Variants in GPHN observed in about 807,000 individuals in gnomAD.
GPHN encodes the protein gephyrin.
Under a neutral mutation model 95.5 loss-of-function variants are expected in GPHN, and 17 were observed. The observed-to-expected ratio is 0.18, with a 90% CI of 0.12 to 0.27. The LOEUF (loss-of-function observed/expected upper bound fraction) is 0.27. Among genes scored for constraint, GPHN ranks in the 10% least tolerant of loss-of-function variants. GPHN has a pLI of 1.00. For synonymous variants in GPHN, 320 were observed against 322.5 expected, an observed-to-expected ratio of 0.99 and a Z score of 0.08; for missense variants, 660 against 978.1, an observed-to-expected ratio of 0.67 and a Z score of 4.34.
chr14:67,383,376 G>A, the GPHN span: 1 of 1,613,818 alleles, frequency 6.2e-7, no homozygotes, highest in Non-Finnish European at 8.5e-7. Flanking sequence ...AGGCTTGAAA[G>A]AGAAAATGCC....
At chr14:67,055,204 C>G (rs948825596) in intron 10 of GPHN, among the ~76,000 whole-genome samples, 4 of 151,988 alleles carry the variant, frequency 2.6e-5, no homozygotes, top group Non-Finnish European at 4.4e-5. Context: ...AGACAAAGGT[C>G]TAATATCCAG....
At chr14:67,173,533 G>A (rs1045578099) in intron 21 of GPHN, among the ~76,000 whole-genome samples, 1 of 151,922 alleles carries the variant, frequency 6.6e-6, no homozygotes, top group Non-Finnish European at 1.5e-5. Context: ...CTTCCCAGCT[G>A]GCACACTAAA....
intron 1 of GPHN, among the ~76,000 whole-genome samples, chr14:66,629,105 T>TTATATACATATTTATATATG (rs2063639771): frequency 7.4e-6 from 1 of 135,322 alleles, no homozygotes; most frequent in Non-Finnish European, 1.6e-5. Flanking sequence ...AAATATATAT[T>TTATATACATATTTATATATG]TATATACATA....
At chr14:67,064,920 GTC>G (rs771697890) in intron 11 of GPHN, among the ~76,000 whole-genome samples, 8 of 152,120 alleles carry the variant, frequency 5.3e-5, no homozygotes, top group Non-Finnish European at 8.8e-5. Flanking sequence ...GGTTTTTCGT[GTC>G]TCTGTCTCCT....
At chr14:66,947,468 A>T (rs1170689150) in intron 8 of GPHN, among the ~76,000 whole-genome samples, 2 of 152,190 alleles carry the variant, frequency 1.3e-5, no homozygotes, top group African/African-American at 4.8e-5. Context: ...CATGAGTCAC[A>T]TCTCTTTTAT....
chr14:67,057,375 T>C (rs996714508), intron 10 of GPHN, among the ~76,000 whole-genome samples: 1 of 137,758 alleles, frequency 7.3e-6, no homozygotes, highest in African/African-American at 3.0e-5. Context: ...TCACTTAAAG[T>C]GGGAGTTGAA....
At chr14:66,889,851 A>C (rs2064381692) in intron 5 of GPHN, among the ~76,000 whole-genome samples, 2 of 152,046 alleles carry the variant, frequency 1.3e-5, no homozygotes, top group South Asian at 4.1e-4. Context: ...AAAGATCAAC[A>C]AAATCACAAA....
the GPHN span, among the ~76,000 whole-genome samples, chr14:67,242,643 A>G: frequency 3.3e-5 from 5 of 151,796 alleles, no homozygotes; most frequent in Non-Finnish European, 7.4e-5. Context: ...TTTTTTTACT[A>G]GATCCCTGTG....
At chr14:66,853,531 C>T (rs894147779) in intron 4 of GPHN, among the ~76,000 whole-genome samples, 3 of 152,130 alleles carry the variant, frequency 2.0e-5, no homozygotes, top group Non-Finnish European at 2.9e-5. Context: ...GGAGTCATGT[C>T]GTACTTGGCA....
intron 1 of GPHN, among the ~76,000 whole-genome samples, chr14:66,582,774 C>T (rs1303898531): frequency 6.6e-6 from 1 of 152,060 alleles, no homozygotes; most frequent in East Asian, 1.9e-4. Context: ...TTTCTTAATC[C>T]AGTCTATCAT....
the GPHN span, among the ~76,000 whole-genome samples, chr14:67,280,858 TCCCTCCCTCCC>T: frequency 7.6e-5 from 9 of 118,106 alleles, no homozygotes; most frequent in Non-Finnish European, 1.2e-4. Context: ...CTTCCTTCCC[TCCCTCCCTCCC>T]TCCCTCCCTC....
At chr14:66,977,845 C>G (rs564736158) in intron 9 of GPHN, among the ~76,000 whole-genome samples, 10 of 152,100 alleles carry the variant, frequency 6.6e-5, no homozygotes, top group Non-Finnish European at 1.2e-4. Flanking sequence ...CACGGATGTC[C>G]TTTGGCCTAT....
the GPHN span, chr14:67,722,297 A>G: frequency 7.5e-6 from 3 of 400,184 alleles, no homozygotes; most frequent in East Asian, 1.6e-4. Context: ...GGGAGAACAC[A>G]TTTCCTAGAG....
At chr14:67,432,023 A>G in the GPHN span, among the ~76,000 whole-genome samples, 2 of 152,252 alleles carry the variant, frequency 1.3e-5, no homozygotes. Flanking sequence ...CAATATGTAC[A>G]TGAAAATGTC....
At chr14:67,572,194 T>C in the GPHN span, 1 of 1,608,864 alleles carries the variant, frequency 6.2e-7, no homozygotes, top group East Asian at 2.2e-5. Flanking sequence ...GGACGCCTGC[T>C]CACTGGACAG....
chr14:66,683,329 AATATATATATATATATAT>A (rs59011754), intron 2 of GPHN, among the ~76,000 whole-genome samples: 4 of 7,924 alleles, frequency 5.0e-4, no homozygotes, highest in Non-Finnish European at 5.2e-4. Flanking sequence ...CCAATGTGGA[AATATATATATATATATAT>A]ATATATATAT....
the GPHN span, among the ~76,000 whole-genome samples, chr14:67,190,227 C>CTTTT: frequency 1.6e-5 from 2 of 123,556 alleles, no homozygotes; most frequent in African/African-American, 5.8e-5. Flanking sequence ...TTGTTCTTTT[C>CTTTT]TTTTTTTTTT....
chr14:66,717,439 G>A (rs1026684130), intron 2 of GPHN, among the ~76,000 whole-genome samples: 6 of 151,720 alleles, frequency 4.0e-5, no homozygotes, highest in Middle Eastern at 3.4e-3. Flanking sequence ...ATTGGGCTTC[G>A]CCTTTCTCTG....
chr14:67,615,936 G>GA, the GPHN span: 2 of 493,456 alleles, frequency 4.1e-6, no homozygotes, highest in Non-Finnish European at 7.5e-6. Flanking sequence ...AAAGCTGAAG[G>GA]AAAAATACAG....
Sources: allele counts gnomAD v4.1 joint callset (sites outside exome capture counted in the v4.1 genomes callset), GRCh38; gene constraint gnomAD v4.1.1; transcripts MANE v1.5; gene names NCBI Gene and HGNC (gene_info 2026-07-23, HGNC 2026-07-21).